PAK5: variants seen among roughly 807,000 people sequenced by gnomAD.
The protein encoded by PAK5 is serine/threonine-protein kinase PAK 5.
A neutral mutation model predicts 65.9 loss-of-function variants in PAK5; 16 were observed. The observed-to-expected ratio is 0.24, with a 90% CI of 0.16 to 0.37. The LOEUF (loss-of-function observed/expected upper bound fraction) is 0.37. Ranked by LOEUF, PAK5 falls within the 10% of genes least tolerant of loss-of-function variation. PAK5 has a pLI of 1.00. For synonymous variants in PAK5, 371 were observed against 354.9 expected (o/e 1.05, Z -0.51); for missense variants, 785 against 903.9 (o/e 0.87, Z 1.69).
At chr20:9,786,534 A>G (rs2048994495) in intron 1 of PAK5, among the ~76,000 whole-genome samples, 1 of 152,166 alleles carries the variant, frequency 6.6e-6, no homozygotes, top group South Asian at 2.1e-4. Flanking sequence ...TAGCACATGT[A>G]CAGAAAAGTT....
intron 1 of PAK5, among the ~76,000 whole-genome samples, chr20:9,768,430 C>G (rs2048794533): frequency 6.6e-6 from 1 of 151,698 alleles, no homozygotes; most frequent in South Asian, 2.1e-4. Context: ...ACTCATGGAA[C>G]AAACCTGTAT....
rs148362073 is a variant in PAK5, at chr20:9,627,567, A to G, written c.204+16558T>C. ...CTGCCCTTAGAAACCTCACACTTGA[A>G]TGCACCCACAAGTGAAAGAGACCTG... On this transcript the variant is annotated intron_variant, in intron 3 of 9. Coordinates refer to ENST00000353224, the MANE Select transcript of PAK5 (RefSeq NM_177990.4). Among the ~76,000 whole-genome samples, 198 of 152,266 alleles carry G rather than the reference A, an allele frequency of 1.3e-3. 1 individual carries two copies. Among genetic ancestry groups the G allele is most frequent in the Non-Finnish European group, 2.0e-3 (135 of 68,018 alleles).
chr20:9,835,118 A>G (rs1979039438), intron 1 of PAK5, among the ~76,000 whole-genome samples: 1 of 152,248 alleles, frequency 6.6e-6, no homozygotes, highest in African/African-American at 2.4e-5. Flanking sequence ...TCTAAAAATC[A>G]GATCTTGAAG....
At chr20:9,578,247 G>A (rs544563656) in intron 4 of PAK5, among the ~76,000 whole-genome samples, 1 of 152,252 alleles carries the variant, frequency 6.6e-6, no homozygotes, top group South Asian at 2.1e-4. Flanking sequence ...TGAGTGTGCA[G>A]GGATTGCTGG....
chr20:9,590,540 T>A (rs2123060474), intron 3 of PAK5, among the ~76,000 whole-genome samples: 1 of 152,018 alleles, frequency 6.6e-6, no homozygotes, highest in South Asian at 2.1e-4. Context: ...ACAGAAAAAG[T>A]TTGCTGAACC....
intron 3 of PAK5, among the ~76,000 whole-genome samples, chr20:9,625,822 A>ATTT: frequency 6.6e-6 from 1 of 152,266 alleles, no homozygotes; most frequent in South Asian, 2.1e-4. Context: ...CCTTGGCTTT[A>ATTT]TTTTTATTCA....
At chr20:9,571,588 T>C (rs572839241) in intron 4 of PAK5, among the ~76,000 whole-genome samples, 1 of 152,268 alleles carries the variant, frequency 6.6e-6, no homozygotes, top group African/African-American at 2.4e-5. Flanking sequence ...CCAACATTCA[T>C]TGATTTATAA....
intron 1 of PAK5, among the ~76,000 whole-genome samples, chr20:9,748,895 C>T (rs1227116737): frequency 6.6e-6 from 1 of 152,098 alleles, no homozygotes; most frequent in Non-Finnish European, 1.5e-5. Context: ...CTAGTGGCTG[C>T]CATGTTGAAC....
intron 4 of PAK5, 105 bp from the exon 5 acceptor site, chr20:9,566,489 T>C: frequency 1.7e-6 from 2 of 1,144,130 alleles, no homozygotes; most frequent in South Asian, 2.8e-5. Flanking sequence ...GGATCACCAG[T>C]GGGAGATGAG....
chr20:9,614,234 T>C (rs7272361), intron 3 of PAK5, among the ~76,000 whole-genome samples: 6,520 of 152,232 alleles, frequency 0.043, 177 homozygotes, highest in Non-Finnish European at 0.056. Flanking sequence ...ATTAGTAGGC[T>C]GGGCACAGCT....
chr20:9,688,622 G>A (rs2047752038), intron 2 of PAK5, among the ~76,000 whole-genome samples: 1 of 151,654 alleles, frequency 6.6e-6, no homozygotes, highest in African/African-American at 2.4e-5. Flanking sequence ...CAGAGACCAG[G>A]AAACATTGGT....
Position 9,654,381 on chromosome 20 carries a change from T to C in PAK5, c.-11-10042A>G, listed in dbSNP as rs1054179447. Among the ~76,000 whole-genome samples, 10 of 152,202 alleles carry C rather than the reference T, an allele frequency of 6.6e-5. 1 individual carries two copies. The highest frequency in any genetic ancestry group is 6.5e-5 in the Admixed American group (1 of 15,288). On this transcript the variant is annotated intron_variant, in intron 2 of 9. Transcript: ENST00000353224. ...GGATAATCTCCCTATTTTAAAGTTATCTTATTAGCAACCTTAATTCCCCTT... is the reference window on the plus strand; with the variant it reads ...GGATAATCTCCCTATTTTAAAGTTACCTTATTAGCAACCTTAATTCCCCTT...
intron 1 of PAK5, among the ~76,000 whole-genome samples, chr20:9,757,446 T>C (rs1045467811): frequency 2.0e-5 from 3 of 152,190 alleles, no homozygotes; most frequent in African/African-American, 7.2e-5. Context: ...AAATACAGAC[T>C]TTAACCCCAC....
intron 2 of PAK5, among the ~76,000 whole-genome samples, chr20:9,695,587 T>C (rs1005631612): frequency 6.6e-6 from 1 of 151,994 alleles, no homozygotes; most frequent in African/African-American, 2.4e-5. Context: ...TTCTTAACAC[T>C]TCCAAGGAAC....
intron 2 of PAK5, among the ~76,000 whole-genome samples, chr20:9,656,536 A>G (rs1460804159): frequency 6.6e-6 from 1 of 152,216 alleles, no homozygotes; most frequent in Admixed American, 6.5e-5. Context: ...ACCAAGTACT[A>G]TAGGCAAGGT....
chr20:9,785,890 A>C (rs752225028), intron 1 of PAK5, among the ~76,000 whole-genome samples: 4 of 152,122 alleles, frequency 2.6e-5, no homozygotes, highest in Middle Eastern at 3.2e-3. Context: ...CAAGGTCAGA[A>C]AAGTAGTGTC....
chr20:9,591,742 G>T (rs1162380413), intron 3 of PAK5, among the ~76,000 whole-genome samples: 1 of 151,938 alleles, frequency 6.6e-6, no homozygotes, highest in African/African-American at 2.4e-5. Flanking sequence ...GGGCCACAAT[G>T]TATTGCATTC....
intron 1 of PAK5, among the ~76,000 whole-genome samples, chr20:9,720,584 T>C (rs908830092): frequency 6.6e-6 from 1 of 152,148 alleles, no homozygotes; most frequent in Non-Finnish European, 1.5e-5. Context: ...ACTGTGATAA[T>C]AGCAATTCCA....
chr20:9,649,882 TA>T (rs2047181313), intron 2 of PAK5, among the ~76,000 whole-genome samples: 1 of 152,088 alleles, frequency 6.6e-6, no homozygotes, highest in Admixed American at 6.5e-5. Flanking sequence ...TTATTTCTGC[TA>T]CACAGATAAG....
Sources: allele counts gnomAD v4.1 joint callset (sites outside exome capture counted in the v4.1 genomes callset), GRCh38; gene constraint gnomAD v4.1.1; transcripts MANE v1.5; gene names NCBI Gene and HGNC (gene_info 2026-07-23, HGNC 2026-07-21).